The following PPFIBP2 variants were observed in gnomAD, a reference collection of about 807,000 sequenced individuals.
The protein encoded by PPFIBP2 is liprin-beta-2.
In PPFIBP2, 118 loss-of-function variants were observed where a neutral mutation model predicts 118.3. The observed-to-expected ratio is 1.00, with a 90% CI of 0.86 to 1.16. The LOEUF is 1.16. Among genes scored for constraint, PPFIBP2 ranks in the 50% most tolerant of loss-of-function variants. The pLI is 0.00. For missense variants in PPFIBP2, 1,195 were observed against 1,073.1 expected, an observed-to-expected ratio of 1.11 and a Z score of -1.59; for synonymous variants, 414 against 397.4, an observed-to-expected ratio of 1.04 and a Z score of -0.50.
intron 10 of PPFIBP2, among the ~76,000 whole-genome samples, chr11:7,630,638 G>A (rs1850628586): frequency 6.6e-6 from 1 of 152,172 alleles, no homozygotes; most frequent in African/African-American, 2.4e-5. Context: ...AAGATCATGG[G>A]TCAAGTCACT....
chr11:7,575,749 A>G (rs1856231942), intron 3 of PPFIBP2, among the ~76,000 whole-genome samples: 1 of 152,196 alleles, frequency 6.6e-6, no homozygotes, highest in Non-Finnish European at 1.5e-5. Flanking sequence ...AGAAAAACCA[A>G]CCTACTGACC....
intron 17 of PPFIBP2, among the ~76,000 whole-genome samples, chr11:7,647,562 A>G (rs974640609): frequency 2.0e-5 from 3 of 152,182 alleles, no homozygotes; most frequent in Admixed American, 6.6e-5. Flanking sequence ...GTTGGTTGCT[A>G]TGAGTGGGAT....
intron 3 of PPFIBP2, among the ~76,000 whole-genome samples, chr11:7,586,613 G>A (rs184086978): frequency 1.3e-3 from 201 of 152,308 alleles, no homozygotes; most frequent in Non-Finnish European, 2.3e-3. Flanking sequence ...TGGAAAGCCT[G>A]AGATGAGGTA....
intron 17 of PPFIBP2, among the ~76,000 whole-genome samples, chr11:7,645,026 CAAAAAAAAAAAAAAAAAAAAA>C (rs57087700): frequency 1.3e-4 from 11 of 81,824 alleles, no homozygotes; most frequent in African/African-American, 6.4e-4. Context: ...GACTCCGTCT[CAAAAAAAAAAAAAAAAAAAAA>C]AAAAAAAAAA....
chr11:7,598,094 T>A (rs1227437949), intron 5 of PPFIBP2: 1 of 155,408 alleles, frequency 6.4e-6, no homozygotes, highest in East Asian at 1.9e-4. Flanking sequence ...AAAATAAAAA[T>A]ATTATATAAA....
intron 4 of PPFIBP2, among the ~76,000 whole-genome samples, chr11:7,593,526 A>G (rs919876703): frequency 6.6e-6 from 1 of 152,202 alleles, no homozygotes; most frequent in African/African-American, 2.4e-5. Context: ...AGAATGAACA[A>G]AATGGGCCCT....
chr11:7,615,843 G>A (rs4758004), intron 6 of PPFIBP2, among the ~76,000 whole-genome samples: 33,605 of 152,162 alleles, frequency 0.22, 3,793 homozygotes, highest in Middle Eastern at 0.32. Flanking sequence ...GTAGACTTGG[G>A]TAAATCATAA....
In PPFIBP2 at chr11:7,649,550, A is replaced by G; in HGVS notation, c.2017A>G (p.Lys673Glu). ...YLTVNDLLFL[K>E]VTSQLHHLSI... is the part of the protein sequence containing the mutation. ...CTTTCAGAACGATTTACTCTTCTTA[A>G]AAGTCACCAGCCAACTACATCATCT... is the stretch of plus-strand genomic sequence containing the variant. Residue 673 changes from lysine to glutamate, a missense_variant, in exon 21 of 24, where the codon AAA becomes GAA. Physicochemically the swap from Lys to Glu is moderately conservative, Grantham distance 56 (BLOSUM62 1). Transcript: ENST00000299492. The G allele has an allele frequency of 6.2e-7, 1 of 1,614,194 alleles. No individual in the cohort carries two copies.
intron 14 of PPFIBP2, 41 bp from the exon 15 acceptor site, chr11:7,639,691 A>G: frequency 1.9e-6 from 3 of 1,612,858 alleles, no homozygotes; most frequent in Non-Finnish European, 2.5e-6. Context: ...TGAGGCTGAC[A>G]GTTAAGTCGG....
At position 7,616,761 on chromosome 11, in the gene PPFIBP2, C is replaced by T. The variant is rs61888790; in HGVS notation, c.619-4174C>T. Among the ~76,000 whole-genome samples, 4 of 150,562 alleles carry T rather than the reference C, an allele frequency of 2.7e-5. No individual in the cohort carries two copies. The highest frequency in any genetic ancestry group is 4.2e-4 in the South Asian group (2 of 4,774). On this transcript the variant is annotated intron_variant, in intron 6 of 23. Coordinates refer to ENST00000299492, the MANE Select transcript of PPFIBP2 (RefSeq NM_003621.5). The surrounding 1 kb of genome is among the most constrained non-coding windows in gnomAD (Gnocchi z 5.2). ...GTATCATGCATATGTGGAGAGAGGA[C>T]GTGTTTGTGTGTGTGCCCCAGTGTG...
chr11:7,554,782 AG>A (rs1160042802), intron 2 of PPFIBP2, among the ~76,000 whole-genome samples: 1 of 134,248 alleles, frequency 7.4e-6, no homozygotes, highest in Non-Finnish European at 1.5e-5. Context: ...GCTGAATCCC[AG>A]GTGACTAGAC....
rs78871441 is a variant in PPFIBP2 at position 7,599,387 on chromosome 11, A to G, written c.486+1714A>G. ...AAGGCTATGCTGGGAGAGTAACCAC[A>G]TAATCAGAGGTCAACAGAATGCTGC... On this transcript the variant is annotated intron_variant, in intron 5 of 23. Transcript: ENST00000299492. Among the ~76,000 whole-genome samples, 60 of 152,344 alleles carry G rather than the reference A, an allele frequency of 3.9e-4. No homozygotes were observed. The East Asian group carries it at 8.1e-3, about 21-fold the overall frequency.
In PPFIBP2 at chr11:7,549,398, ACT is replaced by A. The variant is rs368225221; in HGVS notation, c.-36-37_-36-36del. On this transcript the variant is annotated intron_variant, in intron 1 of 23. Transcript: ENST00000299492. ...TGCGATCTTGTGTGCGTAACATGGA[ACT>A]CTCTGTAATTTTTCCTTTGTTCTGT... The A allele has an allele frequency of 2.7e-4, 414 of 1,519,550 alleles. 3 individuals are homozygous for A. The African/African-American group carries it at 4.0e-3, about 15-fold the overall frequency. 94.1% of individuals were successfully genotyped at this position (1,519,550 alleles called of 1,614,324 possible). A position where few individuals can be genotyped will look rare whatever the true frequency, so the allele number is the denominator to read the frequency against.
intron 2 of PPFIBP2, among the ~76,000 whole-genome samples, chr11:7,558,941 C>T (rs1335525084): frequency 6.6e-6 from 1 of 152,060 alleles, no homozygotes; most frequent in Non-Finnish European, 1.5e-5. Flanking sequence ...TCTGCTAGTG[C>T]CATGGTTTCA....
At position 7,610,378 on chromosome 11, in the gene PPFIBP2, G is replaced by C; in HGVS notation, c.574G>C (p.Glu192Gln). Residue 192 changes from glutamate to glutamine, a missense_variant, in exon 6 of 24, where the codon GAG (glutamate) becomes CAG (glutamine). Physicochemically the swap from Glu to Gln is conservative, Grantham distance 29. Transcript: ENST00000299492. ...SELKLKLVGMEKEQREQEEKQ... is the reference protein window; with the variant it reads ...SELKLKLVGMQKEQREQEEKQ... ...GCTGAAGCTCAAGCTGGTTGGCATG[G>C]AGAAGGAGCAGAGAGAGCAGGAGGA... 1 of 1,614,174 alleles carries C rather than the reference G, an allele frequency of 6.2e-7. No homozygotes were observed. The highest frequency in any genetic ancestry group is 8.5e-7 in the Non-Finnish European group (1 of 1,180,032).
chr11:7,665,137 G>A, the PPFIBP2 span: 44 of 396,296 alleles, frequency 1.1e-4, no homozygotes, highest in Middle Eastern at 6.8e-4. Flanking sequence ...ACAAAACCAC[G>A]GAGAAAGATA....
In PPFIBP2 at chr11:7,653,545, T is replaced by C. The variant is rs539597170; in HGVS notation, c.*327T>C. On this transcript the variant is annotated 3_prime_UTR_variant, in exon 24 of 24. Coordinates refer to ENST00000299492, the MANE Select transcript of PPFIBP2 (RefSeq NM_003621.5). ...AACTTCGATGCAGGTCCAGAGACCA[T>C]GGACACTCCCACGAGGCTCAGCTCT... The C allele has an allele frequency of 8.3e-6, 11 of 1,325,602 alleles. No homozygotes were observed. The East Asian group carries it at 1.4e-4, about 17-fold the overall frequency. The allele number at this position is 1,325,602 out of a possible 1,614,324, so 82.1% of individuals were successfully genotyped here.
chr11:7,663,923 G>T, the PPFIBP2 span, among the ~76,000 whole-genome samples: 43 of 152,172 alleles, frequency 2.8e-4, no homozygotes, highest in Non-Finnish European at 5.4e-4. Flanking sequence ...AGGTGCGTCC[G>T]TCACCCCTTT....
At chr11:7,552,958 A>G (rs1239476722) in intron 2 of PPFIBP2, among the ~76,000 whole-genome samples, 1 of 152,208 alleles carries the variant, frequency 6.6e-6, no homozygotes, top group Admixed American at 6.5e-5. Context: ...CTCCTGCACC[A>G]GCATGTAAGT....
Sources: allele counts gnomAD v4.1 joint callset (sites outside exome capture counted in the v4.1 genomes callset), GRCh38; gene constraint gnomAD v4.1.1; non-coding constraint Gnocchi (gnomAD v3.1); transcripts MANE v1.5; gene names NCBI Gene and HGNC (gene_info 2026-07-23, HGNC 2026-07-21).